The following CDH7 variants were observed in gnomAD, a reference collection of about 807,000 sequenced individuals.
CDH7 encodes cadherin 7.
Under a neutral mutation model 71.8 loss-of-function variants are expected in CDH7, and 25 were observed. That is an observed-to-expected ratio of 0.35 (90% CI 0.25 to 0.49). The LOEUF is 0.49. CDH7 is among the 20% of genes least tolerant of loss of function. The probability of loss-of-function intolerance (pLI) is 0.99; values close to 1 mark genes in which losing one functional copy is unlikely to be tolerated. For synonymous variants in CDH7, 381 were observed against 363.8 expected (o/e 1.05, Z -0.54); for missense variants, 862 against 974.6 (o/e 0.88, Z 1.54).
chr18:65,869,631 C>A (rs1913870572), intron 11 of CDH7, among the ~76,000 whole-genome samples: 2 of 147,268 alleles, frequency 1.4e-5, no homozygotes. Context: ...CTAAGGACCC[C>A]ATAATACCTT....
chr18:65,886,018 G>C lies in CDH7; in HGVS notation c.*5124G>C, dbSNP rs1173718488. ...TGTTACTGGGCTTTGGTGTCAGTGT[G>C]GTATACCAGAAATTACCTCTGGTCT... On this transcript the variant is annotated 3_prime_UTR_variant, in exon 12 of 12. Transcript: ENST00000397968. 6.6e-6 allele frequency: 1 copy of C among 152,138 alleles called. No homozygotes were observed. Among genetic ancestry groups the C allele is most frequent in the African/African-American group, 2.4e-5 (1 of 41,424 alleles). The allele number at this position is 152,138 out of a possible 1,614,324, so 9.4% of individuals were successfully genotyped here. A position where few individuals can be genotyped will look rare whatever the true frequency, so the allele number is the denominator to read the frequency against.
intron 10 of CDH7, among the ~76,000 whole-genome samples, chr18:65,861,335 GTGTT>G (rs145911340): frequency 0.56 from 51,692 of 92,336 alleles, 10,202 homozygotes; most frequent in East Asian, 0.76. Context: ...GTGTGTGTGT[GTGTT>G]TGTGTGTGTG....
In CDH7 at chr18:65,782,053, CCTTCCT is replaced by C. The variant is rs1568182275; in HGVS notation, c.210+19002_210+19007del. 1.1e-4 allele frequency among the ~76,000 whole-genome samples: 6 copies of C among 53,174 alleles called. 1 individual carries two copies. The highest frequency in any genetic ancestry group is 1.0e-3 in the African/African-American group (6 of 5,754). The allele number at this position is 53,174 out of a possible 152,430, so 34.9% of individuals were successfully genotyped here. A position where few individuals can be genotyped will look rare whatever the true frequency, so the allele number is the denominator to read the frequency against. On this transcript the variant is annotated intron_variant, in intron 2 of 11. Coordinates refer to ENST00000397968, the MANE Select transcript of CDH7 (RefSeq NM_004361.5). ...CCCTTCCTTCCTTCCTTCCTTCCTT[CCTTCCT>C]TCCTTTCTTTCTTTCTTTCTTTCCT...
chr18:65,809,749 T>G lies in CDH7; in HGVS notation c.256T>G (p.Leu86Val), dbSNP rs749985277. The stretch of plus-strand genomic sequence containing the variant: ...AGGAGATGGTTCCATCAAATACATC[T>G]TGTCAGGCGAAGGGGCAAGTTCCAT... ...DKGDGSIKYI[L>V]SGEGASSIFI... is the part of the protein sequence containing the mutation. Residue 86 changes from leucine to valine, a missense_variant, in exon 3 of 12, where the codon TTG becomes GTG. By Grantham distance (32) the Leu-to-Val change is conservative (BLOSUM62 1). Coordinates refer to ENST00000397968, the MANE Select transcript of CDH7 (RefSeq NM_004361.5). The G allele has an allele frequency of 2.3e-5, 37 of 1,613,972 alleles. No homozygotes were observed. The highest frequency in any genetic ancestry group is 2.7e-5 in the Non-Finnish European group (32 of 1,180,008).
intron 1 of CDH7, among the ~76,000 whole-genome samples, chr18:65,760,372 A>G (rs1358762282): frequency 6.6e-6 from 1 of 152,186 alleles, no homozygotes; most frequent in African/African-American, 2.4e-5. Context: ...GCAGACACCA[A>G]CAGTCTTTAC....
chr18:65,829,268 C>T lies in CDH7; in HGVS notation c.981+4437C>T, dbSNP rs560708941. Among the ~76,000 whole-genome samples, 96 of 151,994 alleles carry T rather than the reference C, an allele frequency of 6.3e-4. 2 individuals are homozygous for T. The South Asian group carries it at 0.016, about 25-fold the overall frequency. On this transcript the variant is annotated intron_variant, in intron 6 of 11. Transcript: ENST00000397968. ...CTGAGCAGCTGGGACCACAGGCGCCCGCCACTACTCCTGGCTAATTTTTGT... is the reference window on the plus strand; with the variant it reads ...CTGAGCAGCTGGGACCACAGGCGCCTGCCACTACTCCTGGCTAATTTTTGT...
intron 10 of CDH7, among the ~76,000 whole-genome samples, chr18:65,862,007 A>G (rs1413256464): frequency 6.6e-6 from 1 of 152,158 alleles, no homozygotes; most frequent in East Asian, 1.9e-4. Context: ...TCACTTGTTT[A>G]AAGTTCATAA....
Position 65,781,328 on chromosome 18 carries a change from C to A in CDH7, c.210+18276C>A, listed in dbSNP as rs955993591. ...TTTTATGTCAACCACATTTGGCAGG[C>A]AGTAAAACATGATTGGGAAAAGCAG... is the stretch of plus-strand genomic sequence containing the variant. On this transcript the variant is annotated intron_variant, in intron 2 of 11. Transcript: ENST00000397968. Among the ~76,000 whole-genome samples the A allele has an allele frequency of 5.7e-4, 86 of 152,036 alleles. 2 individuals carry two copies. The highest frequency in any genetic ancestry group is 2.0e-3 in the African/African-American group (82 of 41,390).
chr18:65,782,331 A>G (rs1322434372), intron 2 of CDH7, among the ~76,000 whole-genome samples: 1 of 151,156 alleles, frequency 6.6e-6, no homozygotes, highest in Non-Finnish European at 1.5e-5. Flanking sequence ...CACACCTGAC[A>G]AATTTTTGTA....
intron 2 of CDH7, among the ~76,000 whole-genome samples, chr18:65,776,286 T>C (rs1380107820): frequency 6.6e-6 from 1 of 151,796 alleles, no homozygotes; most frequent in Non-Finnish European, 1.5e-5. Context: ...TTTAATAGTT[T>C]ACATATTCAG....
chr18:65,854,692 A>G (rs1184712718), intron 7 of CDH7, among the ~76,000 whole-genome samples: 1 of 152,130 alleles, frequency 6.6e-6, no homozygotes, highest in Non-Finnish European at 1.5e-5. Flanking sequence ...ATATTCAAAC[A>G]TTATCTCAGT....
At chr18:65,786,434 G>A (rs1311556361) in intron 2 of CDH7, among the ~76,000 whole-genome samples, 2 of 152,040 alleles carry the variant, frequency 1.3e-5, no homozygotes, top group African/African-American at 2.4e-5. Flanking sequence ...TTGGACTTTA[G>A]AATGACCTAT....
chr18:65,797,646 G>A (rs753936967), intron 2 of CDH7, among the ~76,000 whole-genome samples: 16 of 152,154 alleles, frequency 1.1e-4, no homozygotes, highest in Admixed American at 5.9e-4. Flanking sequence ...GTCTTGTTAT[G>A]TGAACCAGGT....
At chr18:65,799,614 T>C (rs1257011945) in intron 2 of CDH7, among the ~76,000 whole-genome samples, 3 of 151,908 alleles carry the variant, frequency 2.0e-5, no homozygotes, top group South Asian at 2.1e-4. Context: ...AGGCGGAGCT[T>C]GCAGTGAGCT....
At chr18:65,792,464 G>A (rs1467321264) in intron 2 of CDH7, among the ~76,000 whole-genome samples, 5 of 152,038 alleles carry the variant, frequency 3.3e-5, no homozygotes, top group Non-Finnish European at 7.4e-5. Flanking sequence ...CTAGGGCTGC[G>A]TGTTAGCCAT....
chr18:65,812,644 A>C (rs1428959594), intron 3 of CDH7, among the ~76,000 whole-genome samples: 1 of 152,222 alleles, frequency 6.6e-6, no homozygotes, highest in East Asian at 1.9e-4. Flanking sequence ...ATTTATTGCC[A>C]GAAGAACATA....
intron 7 of CDH7, among the ~76,000 whole-genome samples, 183 bp downstream of exon 7, chr18:65,844,248 TATC>T (rs987490124): frequency 1.4e-5 from 2 of 142,482 alleles, no homozygotes; most frequent in African/African-American, 5.3e-5. Context: ...AACTCAAAAA[TATC>T]ATCTGATTAT....
chr18:65,823,920 A>G (rs943973342), intron 5 of CDH7, among the ~76,000 whole-genome samples: 1 of 151,858 alleles, frequency 6.6e-6, no homozygotes, highest in African/African-American at 2.4e-5. Flanking sequence ...TGAGTGATGT[A>G]GTTCATGTAT....
chr18:65,777,027 CA>C (rs949990446), intron 2 of CDH7, among the ~76,000 whole-genome samples: 9 of 151,922 alleles, frequency 5.9e-5, no homozygotes, highest in African/African-American at 2.2e-4. Flanking sequence ...ATAGACTGTC[CA>C]AAAGGGGAAC....
Sources: gnomAD v4.1 joint callset for allele counts (sites outside exome capture counted in the v4.1 genomes callset) on GRCh38, gnomAD v4.1.1 for gene constraint, MANE v1.5 for transcripts, NCBI Gene and HGNC (gene_info 2026-07-23, HGNC 2026-07-21) for gene names.